WNT9B: variants seen among roughly 807,000 people sequenced by gnomAD.
The protein encoded by WNT9B is protein Wnt-9b.
Under a neutral mutation model 30.2 loss-of-function variants are expected in WNT9B, and 12 were observed. The observed-to-expected ratio is 0.40, with a 90% confidence interval of 0.26 to 0.64. The LOEUF (loss-of-function observed/expected upper bound fraction) is 0.64. Ranked by LOEUF, WNT9B falls within the 30% of genes least tolerant of loss-of-function variation. The pLI, the probability that WNT9B is intolerant of heterozygous loss-of-function variation, is 0.42. For missense variants in WNT9B, 442 were observed against 485.2 expected, an observed-to-expected ratio of 0.91 and a Z score of 0.84; for synonymous variants, 218 against 216.9, an observed-to-expected ratio of 1.01 and a Z score of -0.05.
Position 46,878,887 on chromosome 17 carries a change from G to T in WNT9B, c.*2169G>T, listed in dbSNP as rs909744169. Among the ~76,000 whole-genome samples the T allele has an allele frequency of 6.6e-5, 10 of 152,200 alleles. No individual in the cohort carries two copies. The highest frequency in any genetic ancestry group is 2.4e-4 in the African/African-American group (10 of 41,470). ...ACCCCAAGTCAATGGCACAGTGCAG[G>T]TTCTGAGGGCTCCTTGGCTTGTGGG... On this transcript the variant is annotated 3_prime_UTR_variant, in exon 4 of 4. Coordinates refer to ENST00000290015, the MANE Select transcript of WNT9B (RefSeq NM_003396.3).
intron 1 of WNT9B, 75 bp from the exon 2 acceptor site, chr17:46,872,442 G>A (rs1308620649): frequency 1.4e-6 from 2 of 1,419,380 alleles, no homozygotes; most frequent in Non-Finnish European, 9.3e-7. Flanking sequence ...AGCCCCTGAG[G>A]AGGCCCCTTC....
chr17:46,836,938 CTTTTTCTT>C (rs1006427122), intron 1 of WNT9B, among the ~76,000 whole-genome samples: 6 of 152,104 alleles, frequency 3.9e-5, no homozygotes, highest in African/African-American at 1.2e-4. Context: ...GCAAGTATTT[CTTTTTCTT>C]TTTTTCTTTT....
At chr17:46,838,954 T>A (rs2084666350) in intron 1 of WNT9B, among the ~76,000 whole-genome samples, 1 of 152,108 alleles carries the variant, frequency 6.6e-6, no homozygotes, top group South Asian at 2.1e-4. Flanking sequence ...CTTGGCTCAC[T>A]GCAACCTCTT....
At chr17:46,872,436 C>A in intron 1 of WNT9B, 81 bp from the exon 2 acceptor site, 3 of 1,415,668 alleles carry the variant, frequency 2.1e-6, no homozygotes, top group South Asian at 1.8e-5. Flanking sequence ...AAATGAAGCC[C>A]CTGAGGAGGC....
At chr17:46,845,367 C>A (rs1264780618) in intron 1 of WNT9B, among the ~76,000 whole-genome samples, 1 of 152,062 alleles carries the variant, frequency 6.6e-6, no homozygotes, top group East Asian at 1.9e-4. Context: ...GAAGTGGTAA[C>A]CAGGGCTGGG....
chr17:46,870,246 G>C (rs894336704), intron 1 of WNT9B, among the ~76,000 whole-genome samples: 1 of 152,078 alleles, frequency 6.6e-6, no homozygotes, highest in Non-Finnish European at 1.5e-5. Flanking sequence ...ACCAGCCCTC[G>C]GTGTGAGAAG....
At chr17:46,836,518 T>C (rs1477510547) in intron 1 of WNT9B, among the ~76,000 whole-genome samples, 1 of 152,226 alleles carries the variant, frequency 6.6e-6, no homozygotes, top group Non-Finnish European at 1.5e-5. Flanking sequence ...TGTCACATTG[T>C]AAATGTCGAT....
Position 46,838,322 on chromosome 17 carries a change from TAAA to T in WNT9B, c.95+4897_95+4899del, listed in dbSNP as rs111624803. Reference sequence around the variant, plus strand: ...AGAAGAGATAGAACGGGGCCTGCCTTAAAAAAAAAAAAAAAAATCACAGGCCAG... The same window carrying T: ...AGAAGAGATAGAACGGGGCCTGCCTTAAAAAAAAAAAAAATCACAGGCCAG... On this transcript the variant is annotated intron_variant, in intron 1 of 2. Coordinates refer to the WNT9B transcript ENST00000575372. 5.4e-3 allele frequency among the ~76,000 whole-genome samples: 749 copies of T among 138,258 alleles called. 11 individuals carry two copies. The highest frequency in any genetic ancestry group is 0.019 in the African/African-American group (716 of 38,078). The allele number at this position is 138,258 out of a possible 152,430, so 90.7% of individuals were successfully genotyped here.
chr17:46,875,484 T>A (rs948653255), intron 3 of WNT9B, 118 bp downstream of exon 3: 3 of 1,354,436 alleles, frequency 2.2e-6, no homozygotes, highest in Non-Finnish European at 2.9e-6. Context: ...GTGAACTTCA[T>A]AAAGGCAGGA....
At chr17:46,881,029 G>A (rs900323552), downstream of WNT9B, among the ~76,000 whole-genome samples, 1 of 152,186 alleles carries the variant, frequency 6.6e-6, no homozygotes, top group Non-Finnish European at 1.5e-5. Context: ...CACGAATCCT[G>A]TGTCCCTTTT....
At chr17:46,849,385 GC>G (rs1359493043), upstream of WNT9B, among the ~76,000 whole-genome samples, 2 of 152,218 alleles carry the variant, frequency 1.3e-5, no homozygotes, top group Non-Finnish European at 2.9e-5. Flanking sequence ...GTGCTTAGGG[GC>G]ATGAGAACAG....
At chr17:46,843,418 A>C (rs1482721838) in intron 1 of WNT9B, among the ~76,000 whole-genome samples, 2 of 152,180 alleles carry the variant, frequency 1.3e-5, no homozygotes, top group Admixed American at 1.3e-4. Flanking sequence ...CATTCGTTAA[A>C]GTGAAGAAAG....
At chr17:46,870,459 C>T (rs532009553) in intron 1 of WNT9B, among the ~76,000 whole-genome samples, 8 of 152,154 alleles carry the variant, frequency 5.3e-5, no homozygotes, top group Non-Finnish European at 1.0e-4. Context: ...CCATTTGCCC[C>T]CAGATTAATG....
exon 5 of WNT9B, chr17:46,886,164 AC>A (rs1568137702): frequency 6.6e-6 from 1 of 152,270 alleles, no homozygotes; most frequent in Non-Finnish European, 1.5e-5. Flanking sequence ...AGTGCTGGGG[AC>A]ATAGCCAGTC....
intron 1 of WNT9B, among the ~76,000 whole-genome samples, chr17:46,855,225 G>T (rs145664850): frequency 2.0e-5 from 3 of 152,334 alleles, no homozygotes; most frequent in Non-Finnish European, 2.9e-5. Flanking sequence ...GAGGCCGAAG[G>T]GGGTGAGGGT....
At chr17:46,856,427 C>G (rs988569004) in intron 1 of WNT9B, among the ~76,000 whole-genome samples, 60 of 152,054 alleles carry the variant, frequency 3.9e-4, no homozygotes, top group Admixed American at 2.9e-3. Flanking sequence ...AGAAACAAAA[C>G]ATAATCTTTA....
exon 5 of WNT9B, chr17:46,885,571 G>A (rs1470568544): frequency 6.6e-6 from 1 of 152,586 alleles, no homozygotes; most frequent in Non-Finnish European, 1.5e-5. Context: ...CCAGGGTGCT[G>A]GGATTACAGG....
rs1166844980 is a variant in WNT9B, at chr17:46,879,849, C to A, written c.*3131C>A. On this transcript the variant is annotated 3_prime_UTR_variant, in exon 4 of 4. Coordinates refer to ENST00000290015, the MANE Select transcript of WNT9B (RefSeq NM_003396.3). The stretch of plus-strand genomic sequence containing the variant: ...TGTTGGCACTTCCCCCAAGTGGAGT[C>A]CCATGTCTCAGGGGCTTTGGCTGCC... Among the ~76,000 whole-genome samples, 1 of 152,188 alleles carries A rather than the reference C, an allele frequency of 6.6e-6. No homozygotes were observed. Among genetic ancestry groups the A allele is most frequent in the Non-Finnish European group, 1.5e-5 (1 of 68,030 alleles).
chr17:46,863,193 G>C (rs1266951573), intron 1 of WNT9B, among the ~76,000 whole-genome samples: 1 of 152,238 alleles, frequency 6.6e-6, no homozygotes, highest in African/African-American at 2.4e-5. Flanking sequence ...AGGTTTGGCG[G>C]TGGGGCGTTA....
Sources: gnomAD v4.1 joint callset for allele counts (sites outside exome capture counted in the v4.1 genomes callset) on GRCh38, gnomAD v4.1.1 for gene constraint, MANE v1.5 for transcripts, NCBI Gene and HGNC (gene_info 2026-07-23, HGNC 2026-07-21) for gene names.